PTPRO: variants seen among roughly 807,000 people sequenced by gnomAD.
PTPRO encodes the protein receptor-type tyrosine-protein phosphatase O.
Under a neutral mutation model 145.2 loss-of-function variants are expected in PTPRO, and 62 were observed. The observed-to-expected ratio is 0.43, with a 90% CI of 0.35 to 0.53. PTPRO has a LOEUF of 0.53. Among genes scored for constraint, PTPRO ranks in the 20% least tolerant of loss-of-function variants. The pLI, the probability that PTPRO is intolerant of heterozygous loss-of-function variation, is 0.01. For synonymous variants in PTPRO, 565 were observed against 514.7 expected, an observed-to-expected ratio of 1.10 and a Z score of -1.32; for missense variants, 1,345 against 1,482.7, an observed-to-expected ratio of 0.91 and a Z score of 1.53.
At chr12:15,372,567 A>G (rs1301016415) in intron 1 of PTPRO, among the ~76,000 whole-genome samples, 1 of 152,124 alleles carries the variant, frequency 6.6e-6, no homozygotes, top group African/African-American at 2.4e-5. Context: ...ATTTTGTGGG[A>G]TTTTTTCTTT....
rs189798798 is a variant in PTPRO, at chr12:15,444,076, A to G, written c.76-39898A>G. On this transcript the variant is annotated intron_variant, in intron 1 of 26. Coordinates refer to ENST00000281171, the MANE Select transcript of PTPRO (RefSeq NM_030667.3). Reference sequence around the variant, plus strand: ...CTATTTGTGATAACAACATCAAGGAATCAACCTAGGGGCCTATCAGCAGTG... The same window carrying G: ...CTATTTGTGATAACAACATCAAGGAGTCAACCTAGGGGCCTATCAGCAGTG... Among the ~76,000 whole-genome samples, 21 of 152,270 alleles carry G rather than the reference A, an allele frequency of 1.4e-4. No individual in the cohort carries two copies. The East Asian group carries it at 4.0e-3, about 29-fold the overall frequency.
rs1009807715 is a variant in PTPRO at position 15,416,533 on chromosome 12, A to G, written c.76-67441A>G. Among the ~76,000 whole-genome samples, 4 of 151,254 alleles carry G rather than the reference A, an allele frequency of 2.6e-5. No individual in the cohort carries two copies. The South Asian group carries it at 8.3e-4, about 31-fold the overall frequency. ...ACGGGGTTTCACCATGTTAGCCAGG[A>G]TGGTCTCGATCTCCTGACCTCATGA... On this transcript the variant is annotated intron_variant, in intron 1 of 26. Transcript: ENST00000281171.
chr12:15,596,672 T>C lies in PTPRO; in HGVS notation c.*599T>C, dbSNP rs1163570028. On this transcript the variant is annotated 3_prime_UTR_variant, in exon 27 of 27. Transcript: ENST00000281171. ...GAGGTTGGTCAGGGAAGAGAGGGGT[T>C]CTACCCACAGATCAACTGTGTAATC... is the stretch of plus-strand genomic sequence containing the variant. 1 of 152,240 alleles carries C rather than the reference T, an allele frequency of 6.6e-6. No homozygotes were observed. The allele number at this position is 152,240 out of a possible 1,614,324, so 9.4% of individuals were successfully genotyped here. A position where few individuals can be genotyped will look rare whatever the true frequency, so the allele number is the denominator to read the frequency against.
chr12:15,361,309 C>G (rs561574225), intron 1 of PTPRO, among the ~76,000 whole-genome samples: 2 of 151,426 alleles, frequency 1.3e-5, no homozygotes, highest in South Asian at 4.2e-4. Flanking sequence ...CGTAGTGGCT[C>G]ATGCCTGTAA....
chr12:15,542,284 G>T (rs1280414537), intron 12 of PTPRO, among the ~76,000 whole-genome samples: 1 of 152,170 alleles, frequency 6.6e-6, no homozygotes, highest in Admixed American at 6.5e-5. Flanking sequence ...ACTGGAAGAA[G>T]AATTATCTTG....
chr12:15,443,984 G>T (rs1591817091), intron 1 of PTPRO, among the ~76,000 whole-genome samples: 1 of 140,966 alleles, frequency 7.1e-6, no homozygotes, highest in Non-Finnish European at 1.5e-5. Flanking sequence ...TCTCATTAAT[G>T]AGTATATATC....
chr12:15,567,561 T>C (rs573235204), intron 18 of PTPRO, among the ~76,000 whole-genome samples: 2 of 152,204 alleles, frequency 1.3e-5, no homozygotes, highest in South Asian at 4.2e-4. Flanking sequence ...CATTAATACT[T>C]TGTCTGGTTT....
At chr12:15,589,690 G>T in intron 25 of PTPRO, 100 bp downstream of exon 25, 1 of 1,431,114 alleles carries the variant, frequency 7.0e-7, no homozygotes, top group Non-Finnish European at 9.7e-7. Context: ...AAACTTCTTT[G>T]TATCTTTCTT....
At chr12:15,432,611 C>T (rs1415491545) in intron 1 of PTPRO, among the ~76,000 whole-genome samples, 4 of 152,172 alleles carry the variant, frequency 2.6e-5, no homozygotes, top group Admixed American at 1.3e-4. Context: ...TTAATTTACA[C>T]CCCCACCATC....
At chr12:15,568,606 G>A (rs983602371) in intron 18 of PTPRO, among the ~76,000 whole-genome samples, 3 of 152,164 alleles carry the variant, frequency 2.0e-5, no homozygotes, top group Non-Finnish European at 4.4e-5. Context: ...CTACTTTAGA[G>A]AGCAAATTGG....
intron 19 of PTPRO, among the ~76,000 whole-genome samples, chr12:15,576,055 A>G (rs2135630902): frequency 6.6e-6 from 1 of 152,330 alleles, no homozygotes; most frequent in African/African-American, 2.4e-5. Flanking sequence ...TGTATAGCCT[A>G]GAAGAAAAGG....
rs1428304293 is a variant in PTPRO, at chr12:15,455,768, G to A, written c.76-28206G>A. ...ACAGTGTTTTTTGGTGGAAACTTCA[G>A]GGTTTTCTATATATCAGGTAATGTC... is the stretch of plus-strand genomic sequence containing the variant. On this transcript the variant is annotated intron_variant, in intron 1 of 26. Coordinates refer to ENST00000281171, the MANE Select transcript of PTPRO (RefSeq NM_030667.3). Among the ~76,000 whole-genome samples the A allele has an allele frequency of 3.3e-5, 5 of 152,106 alleles. No individual in the cohort carries two copies. In the East Asian group the frequency reaches 5.8e-4, roughly 18 times the overall value.
intron 12 of PTPRO, among the ~76,000 whole-genome samples, chr12:15,535,585 A>T (rs1943050863): frequency 6.6e-6 from 1 of 152,244 alleles, no homozygotes; most frequent in Non-Finnish European, 1.5e-5. Flanking sequence ...TCCTCATTTG[A>T]ACAAGCTGGC....
intron 1 of PTPRO, among the ~76,000 whole-genome samples, chr12:15,330,124 A>G (rs1425199263): frequency 6.6e-6 from 1 of 152,210 alleles, no homozygotes; most frequent in East Asian, 1.9e-4. Flanking sequence ...CATTAGTGAG[A>G]TAAGAGTTGC....
chr12:15,551,804 T>A, intron 15 of PTPRO, 133 bp downstream of exon 15: 1 of 950,052 alleles, frequency 1.1e-6, no homozygotes, highest in South Asian at 1.5e-5. Context: ...GTTTCTATTG[T>A]GTGTGTTTTC....
intron 1 of PTPRO, among the ~76,000 whole-genome samples, chr12:15,373,033 C>T (rs1212735044): frequency 6.6e-6 from 1 of 152,128 alleles, no homozygotes; most frequent in Non-Finnish European, 1.5e-5. Flanking sequence ...GTTTATAGGA[C>T]AGGCAGCAAT....
At chr12:15,498,080 G>T (rs1942145232) in intron 3 of PTPRO, among the ~76,000 whole-genome samples, 1 of 151,968 alleles carries the variant, frequency 6.6e-6, no homozygotes, top group African/African-American at 2.4e-5. Flanking sequence ...CACATCGGGT[G>T]GGGGTGGGAG....
At chr12:15,444,754 A>T (rs977840690) in intron 1 of PTPRO, among the ~76,000 whole-genome samples, 1 of 152,136 alleles carries the variant, frequency 6.6e-6, no homozygotes, top group Non-Finnish European at 1.5e-5. Context: ...ATCATGCACC[A>T]AATCTAATAG....
intron 22 of PTPRO, 102 bp downstream of exon 22, chr12:15,580,933 G>A (rs983667183): frequency 1.4e-6 from 2 of 1,462,928 alleles, no homozygotes; most frequent in African/African-American, 1.4e-5. Flanking sequence ...AAAACATAGA[G>A]ACAAATCGCT....
Sources: allele counts gnomAD v4.1 joint callset (sites outside exome capture counted in the v4.1 genomes callset), GRCh38; gene constraint gnomAD v4.1.1; transcripts MANE v1.5; gene names NCBI Gene and HGNC (gene_info 2026-07-23, HGNC 2026-07-21).